The following NKX2-3 variants were observed in gnomAD, a reference collection of about 807,000 sequenced individuals.
The protein encoded by NKX2-3 is homeobox protein Nkx-2.3.
Under a neutral mutation model 14.2 loss-of-function variants are expected in NKX2-3, and 3 were observed. The observed-to-expected ratio is 0.21, with a 90% confidence interval of 0.10 to 0.55. NKX2-3 has a LOEUF of 0.55. Ranked by LOEUF, NKX2-3 falls within the 20% of genes least tolerant of loss-of-function variation. NKX2-3 has a pLI of 0.94. For synonymous variants in NKX2-3, 276 were observed against 234.2 expected, an observed-to-expected ratio of 1.18 and a Z score of -1.63; for missense variants, 511 against 514.5, an observed-to-expected ratio of 0.99 and a Z score of 0.06.
At position 99,536,125 on chromosome 10, in the gene NKX2-3, A is replaced by C; in HGVS notation, c.*404A>C. 2 of 194,426 alleles carry C rather than the reference A, an allele frequency of 1.0e-5. No individual in the cohort carries two copies. Among genetic ancestry groups the C allele is most frequent in the Non-Finnish European group, 2.1e-5 (2 of 94,678 alleles). The allele number at this position is 194,426 out of a possible 1,614,324, so 12.0% of individuals were successfully genotyped here. On this transcript the variant is annotated 3_prime_UTR_variant, in exon 2 of 2. Transcript: ENST00000344586. ...AAGGACATAACAAATTAAAAGCATG[A>C]AGGAGAGAAAAATGGGGGTCGTGGC...
chr10:99,534,543 C>T (rs910841957), intron 1 of NKX2-3, among the ~76,000 whole-genome samples: 3 of 152,220 alleles, frequency 2.0e-5, no homozygotes, highest in Non-Finnish European at 4.4e-5. Flanking sequence ...AACAGATTTT[C>T]GCGCAACCCA....
Position 99,535,473 on chromosome 10 carries a change from G to A in NKX2-3, c.847G>A (p.Ala283Thr), listed in dbSNP as rs1333762700. ...AAAAAAAAAAAAAAYSSSYGC... is the reference protein window; with the variant it reads ...AAAAAAAAAATAAAYSSSYGC... ...CGCCGCCGCCGCCGCCGCCGCCGCAGCAGCGGCGGCCTACAGCAGCAGCTA... is the reference window on the plus strand; with the variant it reads ...CGCCGCCGCCGCCGCCGCCGCCGCAACAGCGGCGGCCTACAGCAGCAGCTA... The change falls in exon 2 of 2, where the codon GCA becomes ACA. Residue 283 changes from alanine to threonine, a missense_variant. Around this residue, in one of 3 missense-constraint regions of NKX2-3, gnomAD observed 264 missense variants for 254.7 expected, o/e 1.04. Coordinates refer to ENST00000344586, the MANE Select transcript of NKX2-3 (RefSeq NM_145285.3). 2.4e-5 allele frequency: 29 copies of A among 1,208,290 alleles called. No individual in the cohort carries two copies. The highest frequency in any genetic ancestry group is 3.0e-5 in the Non-Finnish European group (29 of 966,866). The allele number at this position is 1,208,290 out of a possible 1,614,324, so 74.8% of individuals were successfully genotyped here.
At position 99,535,517 on chromosome 10, in the gene NKX2-3, G is replaced by GGGCGGCGGCGGC; in HGVS notation, c.903_914dup (p.Gly302_Gly305dup). The GGGCGGCGGCGGC allele has an allele frequency of 7.9e-7, 1 of 1,269,016 alleles. No homozygotes were observed. Among genetic ancestry groups the GGGCGGCGGCGGC allele is most frequent in the Non-Finnish European group, 9.9e-7 (1 of 1,009,860 alleles). The allele number at this position is 1,269,016 out of a possible 1,614,324, so 78.6% of individuals were successfully genotyped here. A position where few individuals can be genotyped will look rare whatever the true frequency, so the allele number is the denominator to read the frequency against. On this transcript the variant is annotated inframe_insertion, in exon 2 of 2. Coordinates refer to ENST00000344586, the MANE Select transcript of NKX2-3 (RefSeq NM_145285.3). ...GCAGCTATGGCTGTGCGTACCCGGC[G>GGGCGGCGGCGGC]GGCGGCGGCGGCGGCGGCGGCGGGA... is the stretch of plus-strand genomic sequence containing the variant.
Position 99,535,514 on chromosome 10 carries a change from G to A in NKX2-3, c.888G>A (p.Pro296=). The A allele has an allele frequency of 8.1e-7, 1 of 1,229,400 alleles. No individual in the cohort carries two copies. The highest frequency in any genetic ancestry group is 1.0e-6 in the Non-Finnish European group (1 of 982,518). The allele number at this position is 1,229,400 out of a possible 1,614,324, so 76.2% of individuals were successfully genotyped here. The change falls in exon 2 of 2, where the codon CCG becomes CCA. Residue 296 remains proline (P), a synonymous_variant. Transcript: ENST00000344586. The part of the protein sequence containing the change: ...AYSSSYGCAY[P]AGGGGGGGGT... ...GCAGCAGCTATGGCTGTGCGTACCC[G>A]GCGGGCGGCGGCGGCGGCGGCGGCG...
In NKX2-3 at chr10:99,535,036, C is replaced by T. The variant is rs762481234; in HGVS notation, c.410C>T (p.Ala137Val). The T allele has an allele frequency of 1.2e-5, 19 of 1,606,158 alleles. No homozygotes were observed. The highest frequency in any genetic ancestry group is 8.5e-6 in the Non-Finnish European group (10 of 1,176,886). The part of the protein sequence containing the change: ...SLETAGDCKA[A>V]EESERPKPRS... ...GAGACGGCCGGAGACTGCAAGGCGG[C>T]GGAGGAGAGCGAGAGGCCGAAGCCA... The change falls in exon 2 of 2, where the codon GCG (alanine) becomes GTG (valine). Residue 137 changes from alanine (A) to valine (V), a missense_variant. By Grantham distance (64) the Ala-to-Val change is moderately conservative. This residue lies in a region of NKX2-3 where 243 missense variants were observed against 242.3 expected (regional missense o/e 1.00). Coordinates refer to ENST00000344586, the MANE Select transcript of NKX2-3 (RefSeq NM_145285.3).
chr10:99,535,436 GGCCGCGGCCGCCGCCGCCGCCGCCGCC>G lies in NKX2-3; in HGVS notation c.816_842del (p.Ala278_Ala286del). 2 of 1,325,726 alleles carry G rather than the reference GGCCGCGGCCGCCGCCGCCGCCGCCGCC, an allele frequency of 1.5e-6. No homozygotes were observed. Among genetic ancestry groups the G allele is most frequent in the Non-Finnish European group, 1.9e-6 (2 of 1,034,108 alleles). 82.1% of individuals were successfully genotyped at this position (1,325,726 alleles called of 1,614,324 possible). ...TCCCCGCCTACGGCTATGGGAACTC[GGCCGCGGCCGCCGCCGCCGCCGCCGCC>G]GCCGCCGCAGCAGCGGCGGCCTACA... On this transcript the variant is annotated inframe_deletion, in exon 2 of 2. Coordinates refer to ENST00000344586, the MANE Select transcript of NKX2-3 (RefSeq NM_145285.3).
chr10:99,533,602 G>A lies in NKX2-3; in HGVS notation c.358+113G>A, dbSNP rs116913647. ...CTGCCCATCCCTTTACCCTTTGGCTGGGGCCATGCCTCCGCCCTGGTCACC... is the reference window on the plus strand; with the variant it reads ...CTGCCCATCCCTTTACCCTTTGGCTAGGGCCATGCCTCCGCCCTGGTCACC... On this transcript the variant is annotated intron_variant, in intron 1 of 1. Transcript: ENST00000344586. The A allele has an allele frequency of 3.4e-4, 274 of 805,698 alleles. 3 individuals are homozygous for A. In the East Asian group the frequency reaches 6.3e-3, roughly 19 times the overall value. The allele number at this position is 805,698 out of a possible 1,614,324, so 49.9% of individuals were successfully genotyped here.
In NKX2-3 at chr10:99,533,397, C is replaced by T. The variant is rs1290000969; in HGVS notation, c.266C>T (p.Pro89Leu). Residue 89 changes from proline to leucine, a missense_variant, in exon 1 of 2, where the codon CCC (proline) becomes CTC (leucine). By Grantham distance (98) the Pro-to-Leu change is moderately conservative. Coordinates refer to ENST00000344586, the MANE Select transcript of NKX2-3 (RefSeq NM_145285.3). ...GGCCACGGGGATTCAGGGCTGTGTC[C>T]CCAGGGCTATGTCCACACGGTCCTG... ...ADGHGDSGLC[P>L]QGYVHTVLRD... is the part of the protein sequence containing the mutation. 1.9e-6 allele frequency: 3 copies of T among 1,606,532 alleles called. No homozygotes were observed. Among genetic ancestry groups the T allele is most frequent in the Non-Finnish European group, 2.5e-6 (3 of 1,177,388 alleles).
At position 99,535,508 on chromosome 10, in the gene NKX2-3, G is replaced by T. The variant is rs2033959823; in HGVS notation, c.882G>T (p.Ala294=). The part of the protein sequence containing the change: ...AAAYSSSYGC[A]YPAGGGGGGG... The stretch of plus-strand genomic sequence containing the variant: ...CCTACAGCAGCAGCTATGGCTGTGC[G>T]TACCCGGCGGGCGGCGGCGGCGGCG... The change falls in exon 2 of 2, where the codon GCG becomes GCT. Residue 294 remains alanine, a synonymous_variant. Transcript: ENST00000344586. The T allele has an allele frequency of 1.2e-5, 15 of 1,206,584 alleles. No individual in the cohort carries two copies. The highest frequency in any genetic ancestry group is 1.0e-4 in the Admixed American group (2 of 20,036). 74.7% of individuals were successfully genotyped at this position (1,206,584 alleles called of 1,614,324 possible). A position where few individuals can be genotyped will look rare whatever the true frequency, so the allele number is the denominator to read the frequency against.
chr10:99,535,091 C>T lies in NKX2-3; in HGVS notation c.465C>T (p.Phe155=), dbSNP rs2119559367. The change falls in exon 2 of 2, where the codon TTC becomes TTT. Residue 155 remains phenylalanine, a synonymous_variant. Coordinates refer to ENST00000344586, the MANE Select transcript of NKX2-3 (RefSeq NM_145285.3). The part of the protein sequence containing the change: ...PRSRRKPRVL[F]SQAQVFELER... ...GCCGCCGGAAGCCCCGGGTCCTCTT[C>T]TCGCAAGCCCAGGTCTTCGAGCTGG... is the stretch of plus-strand genomic sequence containing the variant. 4 of 1,609,200 alleles carry T rather than the reference C, an allele frequency of 2.5e-6. No individual in the cohort carries two copies. In the East Asian group the frequency reaches 8.9e-5, roughly 36 times the overall value.
chr10:99,535,415 C>T lies in NKX2-3; in HGVS notation c.789C>T (p.Pro263=). Residue 263 remains proline, a synonymous_variant, in exon 2 of 2, where the codon CCC becomes CCT. Coordinates refer to ENST00000344586, the MANE Select transcript of NKX2-3 (RefSeq NM_145285.3). ...GCGCCTACTCCTACAACAGCTTCCC[C>T]GCCTACGGCTATGGGAACTCGGCCG... ...GASAYSYNSF[P]AYGYGNSAAA... is the part of the protein sequence containing the mutation. 1 of 1,428,596 alleles carries T rather than the reference C, an allele frequency of 7.0e-7. No individual in the cohort carries two copies. Among genetic ancestry groups the T allele is most frequent in the Non-Finnish European group, 9.1e-7 (1 of 1,093,462 alleles). 88.5% of individuals were successfully genotyped at this position (1,428,596 alleles called of 1,614,324 possible). A position where few individuals can be genotyped will look rare whatever the true frequency, so the allele number is the denominator to read the frequency against.
Position 99,533,503 on chromosome 10 carries a change from G to T in NKX2-3, c.358+14G>T. On this transcript the variant is annotated intron_variant, in intron 1 of 1. Coordinates refer to ENST00000344586, the MANE Select transcript of NKX2-3 (RefSeq NM_145285.3). The stretch of plus-strand genomic sequence containing the variant: ...ACCGGAGCCAAAGTGAGTAGAGGGG[G>T]AAAGAAAACGCACCCGCACACCTGG... The T allele has an allele frequency of 1.3e-6, 2 of 1,534,894 alleles. No individual in the cohort carries two copies. The highest frequency in any genetic ancestry group is 1.2e-5 in the South Asian group (1 of 84,484).
Position 99,533,083 on chromosome 10 carries a change from C to A in NKX2-3, c.-49C>A. On this transcript the variant is annotated 5_prime_UTR_variant, in exon 1 of 2. Coordinates refer to ENST00000344586, the MANE Select transcript of NKX2-3 (RefSeq NM_145285.3). ...GAGCTGGAGCCGCCGCGCTGCCTCC[C>A]CGCCCCCGCCGGGATTTATTATTTG... is the stretch of plus-strand genomic sequence containing the variant. 7.1e-7 allele frequency: 1 copy of A among 1,407,340 alleles called. No homozygotes were observed. The highest frequency in any genetic ancestry group is 9.7e-7 in the Non-Finnish European group (1 of 1,034,814). 87.2% of individuals were successfully genotyped at this position (1,407,340 alleles called of 1,614,324 possible).
At chr10:99,534,941 C>A (rs1242586875) in intron 1 of NKX2-3, 44 bp from the exon 2 acceptor site, 3 of 1,546,406 alleles carry the variant, frequency 1.9e-6, no homozygotes, top group South Asian at 2.4e-5. Flanking sequence ...AGCCGCGGTG[C>A]GGCCGGGAAC....
chr10:99,533,490 G>A lies in NKX2-3; in HGVS notation c.358+1G>A. On this transcript the variant is annotated splice_donor_variant, in intron 1 of 1. Transcript: ENST00000344586. LOFTEE classifies it high-confidence loss of function. Reference sequence around the variant, plus strand: ...GAGGTCGTGAGGGACCGGAGCCAAAGTGAGTAGAGGGGGAAAGAAAACGCA... The same window carrying A: ...GAGGTCGTGAGGGACCGGAGCCAAAATGAGTAGAGGGGGAAAGAAAACGCA... The A allele has an allele frequency of 6.4e-7, 1 of 1,564,796 alleles. No individual in the cohort carries two copies. The highest frequency in any genetic ancestry group is 8.7e-7 in the Non-Finnish European group (1 of 1,152,962).
At position 99,535,426 on chromosome 10, in the gene NKX2-3, A is replaced by T; in HGVS notation, c.800A>T (p.Tyr267Phe). The T allele has an allele frequency of 4.5e-6, 6 of 1,322,148 alleles. No individual in the cohort carries two copies. The highest frequency in any genetic ancestry group is 3.6e-5 in the Admixed American group (1 of 27,534). The allele number at this position is 1,322,148 out of a possible 1,614,324, so 81.9% of individuals were successfully genotyped here. ...YSYNSFPAYGYGNSAAAAAAA... is the reference protein window; with the variant it reads ...YSYNSFPAYGFGNSAAAAAAA... ...TACAACAGCTTCCCCGCCTACGGCT[A>T]TGGGAACTCGGCCGCGGCCGCCGCC... The change falls in exon 2 of 2, where the codon TAT becomes TTT. Residue 267 changes from tyrosine (Y) to phenylalanine (F), a missense_variant. By Grantham distance (22) the Tyr-to-Phe change is conservative. Around this residue, in one of 3 missense-constraint regions of NKX2-3, gnomAD observed 264 missense variants for 254.7 expected, o/e 1.04. Transcript: ENST00000344586.
rs984757678 is a variant in NKX2-3 at position 99,535,434 on chromosome 10, T to C, written c.808T>C (p.Ser270Pro). The C allele has an allele frequency of 7.5e-5, 100 of 1,327,696 alleles. No homozygotes were observed. The highest frequency in any genetic ancestry group is 9.0e-5 in the Non-Finnish European group (93 of 1,037,858). 82.2% of individuals were successfully genotyped at this position (1,327,696 alleles called of 1,614,324 possible). A position where few individuals can be genotyped will look rare whatever the true frequency, so the allele number is the denominator to read the frequency against. ...NSFPAYGYGN[S>P]AAAAAAAAAA... ...CTTCCCCGCCTACGGCTATGGGAAC[T>C]CGGCCGCGGCCGCCGCCGCCGCCGC... Residue 270 changes from serine to proline, a missense_variant, in exon 2 of 2, where the codon TCG becomes CCG. By Grantham distance (74) the Ser-to-Pro change is moderately conservative. This residue lies in a region of NKX2-3 where 264 missense variants were observed against 254.7 expected (regional missense o/e 1.04). Transcript: ENST00000344586.
chr10:99,535,521 G>T lies in NKX2-3; in HGVS notation c.895G>T (p.Gly299Cys). The stretch of plus-strand genomic sequence containing the variant: ...CTATGGCTGTGCGTACCCGGCGGGC[G>T]GCGGCGGCGGCGGCGGCGGGACCTC... ...SSYGCAYPAG[G>C]GGGGGGTSAA... Residue 299 changes from glycine to cysteine, a missense_variant, in exon 2 of 2, where the codon GGC (glycine) becomes TGC (cysteine). Gly to Cys is a radical substitution (Grantham distance 159). Coordinates refer to ENST00000344586, the MANE Select transcript of NKX2-3 (RefSeq NM_145285.3). 3 of 1,216,338 alleles carry T rather than the reference G, an allele frequency of 2.5e-6. No individual in the cohort carries two copies. The highest frequency in any genetic ancestry group is 1.0e-6 in the Non-Finnish European group (1 of 973,036). The allele number at this position is 1,216,338 out of a possible 1,614,324, so 75.3% of individuals were successfully genotyped here.
chr10:99,535,708 T>C lies in NKX2-3; in HGVS notation c.1082T>C (p.Ile361Thr), dbSNP rs897788631. 3.5e-5 allele frequency: 53 copies of C among 1,533,820 alleles called. No homozygotes were observed. The highest frequency in any genetic ancestry group is 4.6e-5 in the Non-Finnish European group (53 of 1,145,336). ...TGCGCTCAGGGCACCTTGCAGGGCA[T>C]CCGGGCCTGGTAGGGACGGGGCGGG... The part of the protein sequence containing the change: ...AACAQGTLQG[I>T]RAW Residue 361 changes from isoleucine (I) to threonine (T), a missense_variant, in exon 2 of 2, where the codon ATC (isoleucine) becomes ACC (threonine). Physicochemically the swap from Ile to Thr is moderately conservative, Grantham distance 89. This residue lies in a region of NKX2-3 where 264 missense variants were observed against 254.7 expected (regional missense o/e 1.04). Transcript: ENST00000344586.
Sources: gnomAD v4.1 joint callset for allele counts (sites outside exome capture counted in the v4.1 genomes callset) on GRCh38, gnomAD v4.1.1 for gene constraint, gnomAD v4.1.1 regional missense constraint, MANE v1.5 for transcripts, NCBI Gene and HGNC (gene_info 2026-07-23, HGNC 2026-07-21) for gene names.